The following TPD52L1 variants were observed in gnomAD, a reference collection of about 807,000 sequenced individuals.
The protein encoded by TPD52L1 is tumor protein D53.
A neutral mutation model predicts 28.7 loss-of-function variants in TPD52L1; 18 were observed. That is an observed-to-expected ratio of 0.63 (90% confidence interval 0.43 to 0.93). TPD52L1 has a LOEUF of 0.93. TPD52L1 is among the 40% of genes least tolerant of loss of function. The pLI is 0.00. For missense variants in TPD52L1, 203 were observed against 254.8 expected (o/e 0.80, Z 1.39); for synonymous variants, 75 against 88.8 (o/e 0.84, Z 0.88).
chr6:125,252,191 G>A, intron 4 of TPD52L1: 1 of 750,310 alleles, frequency 1.3e-6, no homozygotes, highest in Non-Finnish European at 2.1e-6. Context: ...AGTTTATAGG[G>A]CACTTAATAC....
intron 1 of TPD52L1, among the ~76,000 whole-genome samples, chr6:125,154,728 G>T (rs1162702345): frequency 2.0e-5 from 3 of 152,150 alleles, no homozygotes; most frequent in African/African-American, 7.2e-5. Context: ...AAGAATGGGG[G>T]TAAACGGACC....
At chr6:125,246,795 A>G (rs1796947071) in intron 3 of TPD52L1, among the ~76,000 whole-genome samples, 1 of 151,854 alleles carries the variant, frequency 6.6e-6, no homozygotes, top group African/African-American at 2.4e-5. Context: ...CTCCAGAGAC[A>G]CAAATTACCC....
chr6:125,225,276 T>G (rs1308473163), intron 2 of TPD52L1, among the ~76,000 whole-genome samples: 2 of 152,250 alleles, frequency 1.3e-5, no homozygotes, highest in Non-Finnish European at 2.9e-5. Context: ...TGTAGTCACC[T>G]TTGGTCTACT....
At chr6:125,158,514 T>A (rs1000474960) in intron 1 of TPD52L1, among the ~76,000 whole-genome samples, 1 of 152,112 alleles carries the variant, frequency 6.6e-6, no homozygotes, top group Admixed American at 6.5e-5. Context: ...GCAGTTTATA[T>A]GGATACTTGA....
At chr6:125,210,187 T>G (rs1197034886) in intron 1 of TPD52L1, among the ~76,000 whole-genome samples, 1 of 152,226 alleles carries the variant, frequency 6.6e-6, no homozygotes, top group East Asian at 1.9e-4. Flanking sequence ...GAGACCTGTA[T>G]AGCACTTACT....
At chr6:125,186,525 G>T (rs1369077869) in intron 1 of TPD52L1, among the ~76,000 whole-genome samples, 6 of 152,172 alleles carry the variant, frequency 3.9e-5, no homozygotes. Flanking sequence ...TATATTTAGT[G>T]TAATTTCAGT....
At chr6:125,195,447 T>C (rs1296074804) in intron 1 of TPD52L1, among the ~76,000 whole-genome samples, 1 of 152,216 alleles carries the variant, frequency 6.6e-6, no homozygotes, top group African/African-American at 2.4e-5. Context: ...CGCTAAGTCC[T>C]TTGAGAGTAA....
At chr6:125,199,388 A>T (rs892416371) in intron 1 of TPD52L1, among the ~76,000 whole-genome samples, 9 of 152,216 alleles carry the variant, frequency 5.9e-5, no homozygotes, top group Non-Finnish European at 1.0e-4. Flanking sequence ...TTTTCAGTCA[A>T]ATGAAAGTAA....
At chr6:125,167,830 T>C (rs1471179278) in intron 1 of TPD52L1, among the ~76,000 whole-genome samples, 1 of 151,640 alleles carries the variant, frequency 6.6e-6, no homozygotes, top group Non-Finnish European at 1.5e-5. Context: ...AGCAATTTTA[T>C]ACATTTGCAA....
chr6:125,180,686 A>G (rs114443396), intron 1 of TPD52L1, among the ~76,000 whole-genome samples: 369 of 152,278 alleles, frequency 2.4e-3, no homozygotes, highest in African/African-American at 8.3e-3. Context: ...GGAGAATTCA[A>G]CTTACAATGG....
chr6:125,176,354 T>C (rs1791823039), intron 1 of TPD52L1, among the ~76,000 whole-genome samples: 1 of 152,212 alleles, frequency 6.6e-6, no homozygotes, highest in African/African-American at 2.4e-5. Flanking sequence ...CTTCCCTGAA[T>C]GTGCCATCTC....
At chr6:125,164,029 C>A (rs1170850190) in intron 1 of TPD52L1, among the ~76,000 whole-genome samples, 1 of 151,848 alleles carries the variant, frequency 6.6e-6, no homozygotes, top group African/African-American at 2.4e-5. Flanking sequence ...ACTAGTTACA[C>A]AACATTCTCC....
Position 125,264,123 on chromosome 6 carries a change from C to T in TPD52L1, c.*1161C>T, listed in dbSNP as rs1268109397. The T allele has an allele frequency of 5.9e-5, 9 of 152,168 alleles. No individual in the cohort carries two copies. Among genetic ancestry groups the T allele is most frequent in the Non-Finnish European group, 1.0e-4 (7 of 68,024 alleles). 9.4% of individuals were successfully genotyped at this position (152,168 alleles called of 1,614,324 possible). ...AAAATAACTGGTATTTATCAATCCA[C>T]TCAGATTTCTGCACTAACTTTTATC... On this transcript the variant is annotated 3_prime_UTR_variant, in exon 7 of 7. Transcript: ENST00000534000.
chr6:125,239,863 C>A (rs946494233), intron 3 of TPD52L1, among the ~76,000 whole-genome samples: 1 of 152,056 alleles, frequency 6.6e-6, no homozygotes, highest in African/African-American at 2.4e-5. Flanking sequence ...ATTTATGTTG[C>A]ATTTGCTTTT....
rs557989671 is a variant in TPD52L1 at position 125,222,979 on chromosome 6, C to A, written c.135+2786C>A. On this transcript the variant is annotated intron_variant, in intron 2 of 6. Coordinates refer to ENST00000534000, the MANE Select transcript of TPD52L1 (RefSeq NM_003287.4). ...AAAATGCTGTAATCCTATTAAATTT[C>A]TTTGTTTTCTGCCTGTGTAAATAAG... Among the ~76,000 whole-genome samples the A allele has an allele frequency of 2.0e-5, 3 of 152,146 alleles. No homozygotes were observed. The East Asian group carries it at 5.8e-4, about 29-fold the overall frequency.
chr6:125,248,362 G>C lies in TPD52L1; in HGVS notation c.365G>C (p.Ser122Thr). The C allele has an allele frequency of 6.2e-7, 1 of 1,614,126 alleles. No homozygotes were observed. The highest frequency in any genetic ancestry group is 8.5e-7 in the Non-Finnish European group (1 of 1,179,976). Residue 122 changes from serine (S) to threonine (T), a missense_variant, in exon 4 of 7, where the codon AGC becomes ACC. Coordinates refer to ENST00000534000, the MANE Select transcript of TPD52L1 (RefSeq NM_003287.4). ...AAFSNVGTAI[S>T]KKFGDMSYSI... Reference sequence around the variant, plus strand: ...TTCAGCAACGTTGGAACGGCCATCAGCAAGAAGTTCGGAGACATGAGGTAC... The same window carrying C: ...TTCAGCAACGTTGGAACGGCCATCACCAAGAAGTTCGGAGACATGAGGTAC...
intron 1 of TPD52L1, among the ~76,000 whole-genome samples, chr6:125,193,093 A>G (rs1793166450): frequency 6.6e-6 from 1 of 152,220 alleles, no homozygotes; most frequent in Admixed American, 6.5e-5. Flanking sequence ...AAAGTGAAGC[A>G]TAGAGAAGCT....
chr6:125,214,302 A>AG (rs1295736777), intron 1 of TPD52L1: 1 of 205,738 alleles, frequency 4.9e-6, no homozygotes, highest in Non-Finnish European at 8.5e-6. Context: ...CAGAATCTCC[A>AG]GCAGATTCTT....
At chr6:125,191,419 G>A (rs991095268) in intron 1 of TPD52L1, among the ~76,000 whole-genome samples, 3 of 152,178 alleles carry the variant, frequency 2.0e-5, no homozygotes, top group African/African-American at 7.2e-5. Flanking sequence ...TCAAAATATG[G>A]ACTTAATTCC....
Sources: gnomAD v4.1 joint callset for allele counts (sites outside exome capture counted in the v4.1 genomes callset) on GRCh38, gnomAD v4.1.1 for gene constraint, MANE v1.5 for transcripts, NCBI Gene and HGNC (gene_info 2026-07-23, HGNC 2026-07-21) for gene names.